The following EGFR variants were observed in gnomAD, a reference collection of about 807,000 sequenced individuals.
EGFR encodes avian erythroblastic leukemia viral (v-erb-b) oncogene homolog.
A neutral mutation model predicts 143.0 loss-of-function variants in EGFR; 58 were observed. That is an observed-to-expected ratio of 0.41 (90% confidence interval 0.33 to 0.50). The LOEUF is 0.50. EGFR is among the 20% of genes least tolerant of loss of function. The pLI is 0.39. For synonymous variants in EGFR, 613 were observed against 594.4 expected, an observed-to-expected ratio of 1.03 and a Z score of -0.45; for missense variants, 1,307 against 1,579.0, an observed-to-expected ratio of 0.83 and a Z score of 2.92.
intron 1 of EGFR, among the ~76,000 whole-genome samples, chr7:55,027,565 G>C (rs1187129234): frequency 6.6e-6 from 1 of 152,144 alleles, no homozygotes; most frequent in East Asian, 1.9e-4. Context: ...GTAGCAACCA[G>C]ATGTGAAAAA....
At chr7:55,107,346 GC>G (rs1792197154) in intron 1 of EGFR, among the ~76,000 whole-genome samples, 1 of 152,192 alleles carries the variant, frequency 6.6e-6, no homozygotes, top group Non-Finnish European at 1.5e-5. Context: ...CAAGAAAAAT[GC>G]CCATTGGGTT....
rs17336884 is a variant in EGFR at position 55,164,296 on chromosome 7, A to G, written c.1722+473A>G. ...ATTCTTTACAATAATCTTTTAAAGA[A>G]TATGAGTGAGAATTCGGGCCCCTCT... On this transcript the variant is annotated intron_variant, in intron 14 of 27. Transcript: ENST00000275493. Among the ~76,000 whole-genome samples the G allele has an allele frequency of 3.7e-3, 567 of 152,364 alleles. 3 individuals are homozygous for G. Among genetic ancestry groups the G allele is most frequent in the Non-Finnish European group, 6.1e-3 (417 of 68,032 alleles).
At position 55,208,561 on chromosome 7, in the gene EGFR, G is replaced by A. The variant is rs1431145331; in HGVS notation, c.*2944G>A. 6.6e-6 allele frequency: 1 copy of A among 152,120 alleles called. No individual in the cohort carries two copies. The highest frequency in any genetic ancestry group is 1.5e-5 in the Non-Finnish European group (1 of 68,052). 9.4% of individuals were successfully genotyped at this position (152,120 alleles called of 1,614,324 possible). A position where few individuals can be genotyped will look rare whatever the true frequency, so the allele number is the denominator to read the frequency against. On this transcript the variant is annotated 3_prime_UTR_variant, in exon 28 of 28. Coordinates refer to ENST00000275493, the MANE Select transcript of EGFR (RefSeq NM_005228.5). ...GTGCATCTTCTTGCATCATCTCTAA[G>A]GAGCTCCTCTAATTACACCATGCCC...
intron 10 of EGFR, 142 bp downstream of exon 10, chr7:55,156,974 C>T: frequency 6.6e-7 from 1 of 1,522,012 alleles, no homozygotes; most frequent in East Asian, 2.5e-5. Context: ...TGATATTTTT[C>T]AAAAGTGCAG....
intron 1 of EGFR, chr7:55,109,676 T>C (rs1792346243): frequency 1.1e-6 from 1 of 950,040 alleles, no homozygotes; most frequent in African/African-American, 1.8e-5. Context: ...TAAAGGGATA[T>C]CCTCTCCTGG....
chr7:55,168,775 A>AT (rs2128949649), intron 15 of EGFR: 2 of 538,130 alleles, frequency 3.7e-6, no homozygotes, highest in Non-Finnish European at 6.3e-6. Flanking sequence ...TTATATAGGA[A>AT]TTACACGATA....
chr7:55,020,670 C>T (rs1786510346), intron 1 of EGFR, among the ~76,000 whole-genome samples: 1 of 151,968 alleles, frequency 6.6e-6, no homozygotes, highest in Non-Finnish European at 1.5e-5. Flanking sequence ...GACTACCGAC[C>T]ATAAACCCAC....
At chr7:55,181,194 C>T (rs540019159) in intron 19 of EGFR, 99 bp from the exon 20 acceptor site, 18 of 1,409,654 alleles carry the variant, frequency 1.3e-5, no homozygotes, top group Non-Finnish European at 1.7e-5. Flanking sequence ...TTTTGAAACT[C>T]AAGATCGCAT....
chr7:55,054,711 C>A (rs1474591818), intron 1 of EGFR, among the ~76,000 whole-genome samples: 1 of 152,176 alleles, frequency 6.6e-6, no homozygotes, highest in East Asian at 1.9e-4. Flanking sequence ...AGGTCTGGAC[C>A]CCTTGCGGGG....
Position 55,019,303 on chromosome 7 carries a change from CAGCGCTCCT to C in EGFR, c.27_35del (p.Leu14_Ala16del). The C allele has an allele frequency of 6.6e-7, 1 of 1,516,672 alleles. No homozygotes were observed. Among genetic ancestry groups the C allele is most frequent in the Non-Finnish European group, 8.9e-7 (1 of 1,128,118 alleles). 94.0% of individuals were successfully genotyped at this position (1,516,672 alleles called of 1,614,324 possible). A position where few individuals can be genotyped will look rare whatever the true frequency, so the allele number is the denominator to read the frequency against. ...ATGCGACCCTCCGGGACGGCCGGGG[CAGCGCTCCT>C]GGCGCTGCTGGCTGCGCTCTGCCCG... On this transcript the variant is annotated inframe_deletion, in exon 1 of 28. Coordinates refer to ENST00000275493, the MANE Select transcript of EGFR (RefSeq NM_005228.5).
chr7:55,058,134 G>A (rs1354669574), intron 1 of EGFR, among the ~76,000 whole-genome samples: 2 of 152,226 alleles, frequency 1.3e-5, no homozygotes, highest in Non-Finnish European at 2.9e-5. Context: ...AGTGGCTCAC[G>A]CCTGTAATCC....
At chr7:55,199,261 C>T (rs1341162974) in intron 23 of EGFR, among the ~76,000 whole-genome samples, 1 of 152,222 alleles carries the variant, frequency 6.6e-6, no homozygotes, top group Non-Finnish European at 1.5e-5. Flanking sequence ...AACATTTCTG[C>T]TTTGACTTAA....
At position 55,206,526 on chromosome 7, in the gene EGFR, G is replaced by C. The variant is rs1063486; in HGVS notation, c.*909G>C. 4.3e-6 allele frequency: 1 copy of C among 233,136 alleles called. No homozygotes were observed. Among genetic ancestry groups the C allele is most frequent in the African/African-American group, 2.2e-5 (1 of 45,330 alleles). The allele number at this position is 233,136 out of a possible 1,614,324, so 14.4% of individuals were successfully genotyped here. A position where few individuals can be genotyped will look rare whatever the true frequency, so the allele number is the denominator to read the frequency against. ...TGAGAATGTGGAATACCTAAGGATA[G>C]CACCGCTTTTGTTCTCGCAAAAACG... On this transcript the variant is annotated 3_prime_UTR_variant, in exon 28 of 28. Transcript: ENST00000275493.
chr7:55,029,001 A>G (rs1003786449), intron 1 of EGFR, among the ~76,000 whole-genome samples: 48 of 151,636 alleles, frequency 3.2e-4, no homozygotes, highest in African/African-American at 1.1e-3. Flanking sequence ...TACTAAAAAT[A>G]CAAAAAAAAC....
chr7:55,181,212 T>C (rs2128958017), intron 19 of EGFR, 81 bp from the exon 20 acceptor site: 1 of 1,519,372 alleles, frequency 6.6e-7, no homozygotes, highest in Non-Finnish European at 9.1e-7. Flanking sequence ...CATTCATGCG[T>C]CTTCACCTGG....
At chr7:55,063,354 C>T (rs936153222) in intron 1 of EGFR, among the ~76,000 whole-genome samples, 3 of 151,946 alleles carry the variant, frequency 2.0e-5, no homozygotes, top group Admixed American at 1.3e-4. Flanking sequence ...TTACTTTGGT[C>T]CATAATTTAG....
intron 1 of EGFR, among the ~76,000 whole-genome samples, chr7:55,095,016 T>A (rs537577895): frequency 6.6e-6 from 1 of 152,318 alleles, no homozygotes; most frequent in South Asian, 2.1e-4. Context: ...CTCTTATCGC[T>A]GGTTTTTATT....
At chr7:55,075,250 C>T (rs1165508764) in intron 1 of EGFR, among the ~76,000 whole-genome samples, 1 of 151,722 alleles carries the variant, frequency 6.6e-6, no homozygotes, top group Non-Finnish European at 1.5e-5. Flanking sequence ...CTACCTAGGA[C>T]AGTTTGGGCC....
intron 1 of EGFR, among the ~76,000 whole-genome samples, chr7:55,076,624 T>A (rs1267199717): frequency 1.3e-5 from 2 of 152,148 alleles, no homozygotes; most frequent in Non-Finnish European, 2.9e-5. Context: ...TCGCCTATTA[T>A]CATCTAGGTG....
Sources: gnomAD v4.1 joint callset for allele counts (sites outside exome capture counted in the v4.1 genomes callset) on GRCh38, gnomAD v4.1.1 for gene constraint, MANE v1.5 for transcripts, NCBI Gene and HGNC (gene_info 2026-07-23, HGNC 2026-07-21) for gene names.